IFT56: variants seen among roughly 807,000 people sequenced by gnomAD.
IFT56 encodes intraflagellar transport protein 56.
the IFT56 span, chr7:139,174,384 C>T: frequency 1.3e-5 from 6 of 449,972 alleles, no homozygotes; most frequent in Admixed American, 8.2e-5. Context: ...TGGCGGCCCG[C>T]GTTGGCATCA....
At chr7:139,174,403 A>G in the IFT56 span, 1,530 of 417,780 alleles carry the variant, frequency 3.7e-3, 10 homozygotes, top group African/African-American at 0.028. Context: ...CAGGGGGTGC[A>G]AACAGTAACA....
At chr7:139,175,916 G>A in the IFT56 span, among the ~76,000 whole-genome samples, 2 of 152,114 alleles carry the variant, frequency 1.3e-5, no homozygotes, top group East Asian at 1.9e-4. Flanking sequence ...TGCAACCTCC[G>A]CCTCCCGGGT....
chr7:139,171,446 T>G, the IFT56 span, among the ~76,000 whole-genome samples: 1 of 152,038 alleles, frequency 6.6e-6, no homozygotes, highest in Non-Finnish European at 1.5e-5. Flanking sequence ...TAATTATACC[T>G]CAGAGCTATA....
chr7:139,138,304 C>A, the IFT56 span, among the ~76,000 whole-genome samples: 1 of 152,124 alleles, frequency 6.6e-6, no homozygotes, highest in Non-Finnish European at 1.5e-5. Flanking sequence ...ATCCTCATAA[C>A]TTTTATTACC....
the IFT56 span, chr7:139,148,362 TG>T: frequency 1.9e-6 from 3 of 1,610,492 alleles, no homozygotes; most frequent in Non-Finnish European, 2.5e-6. Flanking sequence ...GCCTTTACAA[TG>T]GCAGAGCAGC....
chr7:139,149,619 C>T, the IFT56 span, among the ~76,000 whole-genome samples: 5 of 152,128 alleles, frequency 3.3e-5, no homozygotes, highest in South Asian at 2.1e-4. Flanking sequence ...GCTTGGTACA[C>T]GTCAACAAAG....
chr7:139,168,833 T>C, the IFT56 span, among the ~76,000 whole-genome samples: 3 of 152,188 alleles, frequency 2.0e-5, no homozygotes, highest in Non-Finnish European at 4.4e-5. Context: ...TCCATCTTAA[T>C]ACAGCGTTCT....
the IFT56 span, chr7:139,187,541 T>G: frequency 6.2e-7 from 1 of 1,613,942 alleles, no homozygotes; most frequent in African/African-American, 1.3e-5. Flanking sequence ...AGAACCCAAG[T>G]AAGTAAACAG....
At chr7:139,139,990 CA>C in the IFT56 span, 1 of 1,607,512 alleles carries the variant, frequency 6.2e-7, no homozygotes, top group Non-Finnish European at 8.5e-7. Context: ...CAAGCTGAAG[CA>C]GCTGGATTTA....
chr7:139,189,560 C>T, the IFT56 span: 3 of 672,172 alleles, frequency 4.5e-6, no homozygotes, highest in Non-Finnish European at 7.7e-6. Flanking sequence ...CTTTAAGCCT[C>T]AAGGTCAGAG....
the IFT56 span, chr7:139,173,480 C>T: frequency 1.5e-5 from 10 of 684,074 alleles, no homozygotes; most frequent in Admixed American, 4.2e-5. Context: ...CCACTCACCT[C>T]GGCCTCCCAA....
the IFT56 span, among the ~76,000 whole-genome samples, chr7:139,187,192 A>G: frequency 0.17 from 26,105 of 151,996 alleles, 3,896 homozygotes; most frequent in African/African-American, 0.36. Flanking sequence ...GAGTGAACAT[A>G]AGGTAGTTTA....
At chr7:139,147,273 A>C in the IFT56 span, 1 of 1,610,942 alleles carries the variant, frequency 6.2e-7, no homozygotes, top group South Asian at 1.1e-5. Flanking sequence ...TATATAAGCG[A>C]ATACTGCTAG....
At chr7:139,166,684 A>G in the IFT56 span, among the ~76,000 whole-genome samples, 1 of 152,214 alleles carries the variant, frequency 6.6e-6, no homozygotes. Context: ...TTTTAGCATA[A>G]CTACTCAACA....
At chr7:139,146,144 A>C in the IFT56 span, among the ~76,000 whole-genome samples, 8 of 152,232 alleles carry the variant, frequency 5.3e-5, no homozygotes, top group Admixed American at 5.2e-4. Context: ...AGTCTACAGA[A>C]GACAATTCTT....
chr7:139,187,683 TTC>T, the IFT56 span: 5 of 1,074,780 alleles, frequency 4.7e-6, no homozygotes, highest in South Asian at 1.7e-5. Context: ...TATTAAATAT[TTC>T]TGTCTGACCA....
chr7:139,170,463 A>G, the IFT56 span, among the ~76,000 whole-genome samples: 954 of 152,380 alleles, frequency 6.3e-3, 28 homozygotes, highest in East Asian at 0.083. Context: ...TTAACAAAAT[A>G]TTAGCAAACA....
the IFT56 span, among the ~76,000 whole-genome samples, chr7:139,152,411 G>A: frequency 6.6e-6 from 1 of 152,208 alleles, no homozygotes; most frequent in East Asian, 1.9e-4. Context: ...ACAGGCATGA[G>A]CCACTGTGCC....
chr7:139,134,933 A>G, the IFT56 span: 1 of 852,838 alleles, frequency 1.2e-6, no homozygotes. Context: ...AAATCTAGTC[A>G]GGCACAGATT....
Sources: gnomAD v4.1 joint callset for allele counts (sites outside exome capture counted in the v4.1 genomes callset) on GRCh38, gnomAD v4.1.1 for gene constraint, MANE v1.5 for transcripts, NCBI Gene and HGNC (gene_info 2026-07-23, HGNC 2026-07-21) for gene names.